Variants in PLCL1 observed in about 807,000 individuals in gnomAD.
The protein encoded by PLCL1 is inactive phospholipase C-like protein 1.
In PLCL1, 41 loss-of-function variants were observed where a neutral mutation model predicts 84.4. The observed-to-expected ratio is 0.49, with a 90% CI of 0.38 to 0.63. The LOEUF is 0.63. PLCL1 is among the 30% of genes least tolerant of loss of function. The probability of loss-of-function intolerance (pLI) is 0.00; values close to 1 mark genes in which losing one functional copy is unlikely to be tolerated. For synonymous variants in PLCL1, 490 were observed against 488.3 expected (o/e 1.00, Z -0.05); for missense variants, 1,206 against 1,367.8 (o/e 0.88, Z 1.87).
rs557214271 is a variant in PLCL1, at chr2:197,923,116, GC to G, written c.240+117779del. On this transcript the variant is annotated intron_variant, in intron 1 of 5. Transcript: ENST00000428675. ...ACCTCCCTACCGGACGGGGCGGCTG[GC>G]CAGGCTGAGGGGCTCCTCACTTCCC... is the stretch of plus-strand genomic sequence containing the variant. Among the ~76,000 whole-genome samples, 41 of 140,750 alleles carry G rather than the reference GC, an allele frequency of 2.9e-4. No individual in the cohort carries two copies. In the South Asian group the frequency reaches 8.0e-3, roughly 28 times the overall value. The allele number at this position is 140,750 out of a possible 152,430, so 92.3% of individuals were successfully genotyped here.
chr2:197,910,376 G>T (rs1688464468), intron 1 of PLCL1, among the ~76,000 whole-genome samples: 1 of 152,210 alleles, frequency 6.6e-6, no homozygotes, highest in African/African-American at 2.4e-5. Flanking sequence ...TACTTGGGCA[G>T]GAATTAGTAG....
chr2:197,997,539 A>G (rs1690495630), intron 1 of PLCL1, among the ~76,000 whole-genome samples: 1 of 152,100 alleles, frequency 6.6e-6, no homozygotes, highest in African/African-American at 2.4e-5. Context: ...CACAATTCAC[A>G]CCCAAAGAGG....
intron 1 of PLCL1, among the ~76,000 whole-genome samples, chr2:197,936,872 A>G (rs1167431786): frequency 6.6e-6 from 1 of 152,184 alleles, no homozygotes; most frequent in Non-Finnish European, 1.5e-5. Context: ...AATGTCACGT[A>G]GCTTTCCCCC....
intron 1 of PLCL1, among the ~76,000 whole-genome samples, chr2:197,823,607 T>G (rs774075603): frequency 2.0e-5 from 3 of 152,174 alleles, no homozygotes; most frequent in Non-Finnish European, 4.4e-5. Flanking sequence ...ATGGTATGTT[T>G]GAGTCATGGA....
At chr2:198,134,523 G>C (rs1178298514) in intron 5 of PLCL1, among the ~76,000 whole-genome samples, 1 of 152,272 alleles carries the variant, frequency 6.6e-6, no homozygotes, top group African/African-American at 2.4e-5. Context: ...AGCTAACACA[G>C]AACCTGGAAC....
At chr2:198,133,525 A>AT (rs1694179457) in intron 5 of PLCL1, among the ~76,000 whole-genome samples, 1 of 150,084 alleles carries the variant, frequency 6.7e-6, no homozygotes, top group African/African-American at 2.5e-5. Context: ...TTAAAGTATA[A>AT]TAAAAAAAAA....
chr2:198,009,282 C>T (rs1595824), intron 1 of PLCL1, among the ~76,000 whole-genome samples: 63,723 of 151,662 alleles, frequency 0.42, 14,023 homozygotes, highest in Middle Eastern at 0.62. Context: ...GAGGCTTTAC[C>T]CCTATGTTTC....
At chr2:198,083,065 G>C (rs1445968082) in intron 1 of PLCL1, among the ~76,000 whole-genome samples, 1 of 152,200 alleles carries the variant, frequency 6.6e-6, no homozygotes, top group Non-Finnish European at 1.5e-5. Flanking sequence ...ACCTTAAAAA[G>C]TTAGTAGAGC....
intron 1 of PLCL1, among the ~76,000 whole-genome samples, chr2:197,853,356 T>C (rs1430759918): frequency 1.3e-5 from 2 of 152,256 alleles, no homozygotes; most frequent in African/African-American, 2.4e-5. Flanking sequence ...TTTGAGTTCC[T>C]GCTTTCAGTT....
Position 198,089,031 on chromosome 2 carries a change from G to T in PLCL1, c.2889G>T (p.Val963=). 2 of 1,613,990 alleles carry T rather than the reference G, an allele frequency of 1.2e-6. No homozygotes were observed. Among genetic ancestry groups the T allele is most frequent in the South Asian group, 2.2e-5 (2 of 91,090 alleles). Residue 963 remains valine (V), a synonymous_variant, in exon 3 of 6, where the codon GTG becomes GTT. Transcript: ENST00000428675. ...AGCCTCTGGGTGCAATTCCAGATGT[G>T]CAGAAAAAGATGCTGACTGCTTATG... ...YLEPLGAIPD[V]QKKMLTAYDL...
At chr2:197,917,753 C>T (rs918121363) in intron 1 of PLCL1, among the ~76,000 whole-genome samples, 25 of 152,004 alleles carry the variant, frequency 1.6e-4, no homozygotes, top group African/African-American at 5.1e-4. Context: ...AGGAGATGTA[C>T]GCGATGAACC....
chr2:197,812,407 T>G (rs1024769443), intron 1 of PLCL1, among the ~76,000 whole-genome samples: 2 of 152,324 alleles, frequency 1.3e-5, no homozygotes, highest in Non-Finnish European at 2.9e-5. Context: ...TAATTTACAT[T>G]ACCACCAGCA....
At chr2:197,988,879 A>G (rs1690276972) in intron 1 of PLCL1, among the ~76,000 whole-genome samples, 2 of 152,168 alleles carry the variant, frequency 1.3e-5, no homozygotes, top group Non-Finnish European at 2.9e-5. Flanking sequence ...ATTGACACCA[A>G]CATTTATTGT....
intron 3 of PLCL1, among the ~76,000 whole-genome samples, chr2:198,094,061 T>C (rs1379337062): frequency 6.6e-6 from 1 of 152,094 alleles, no homozygotes; most frequent in Non-Finnish European, 1.5e-5. Context: ...ATTTTTTTTC[T>C]CTCTCTCTTT....
At chr2:197,907,806 G>A (rs1369542707) in intron 1 of PLCL1, among the ~76,000 whole-genome samples, 2 of 152,090 alleles carry the variant, frequency 1.3e-5, no homozygotes, top group Admixed American at 1.3e-4. Context: ...GCTGCACATT[G>A]AAATCACCTG....
chr2:198,024,453 A>G (rs1257685385), intron 1 of PLCL1, among the ~76,000 whole-genome samples: 3 of 152,182 alleles, frequency 2.0e-5, no homozygotes, highest in Non-Finnish European at 4.4e-5. Flanking sequence ...CTAGCATTTC[A>G]TATCTTAAAG....
At chr2:197,848,782 T>G (rs144148005) in intron 1 of PLCL1, among the ~76,000 whole-genome samples, 1 of 151,782 alleles carries the variant, frequency 6.6e-6, no homozygotes, top group East Asian at 1.9e-4. Context: ...AGAGACTGGT[T>G]TGGCCTGACC....
intron 1 of PLCL1, among the ~76,000 whole-genome samples, chr2:198,078,860 A>G (rs1674857824): frequency 1.3e-5 from 2 of 152,076 alleles, no homozygotes; most frequent in Admixed American, 1.3e-4. Flanking sequence ...TTCAGTGTGC[A>G]TTTTTTCCCT....
At chr2:198,025,036 G>C (rs1254605738) in intron 1 of PLCL1, among the ~76,000 whole-genome samples, 1 of 151,532 alleles carries the variant, frequency 6.6e-6, no homozygotes, top group African/African-American at 2.4e-5. Context: ...GTATAATTAG[G>C]CTTATTTCTA....
Sources: gnomAD v4.1 joint callset for allele counts (sites outside exome capture counted in the v4.1 genomes callset) on GRCh38, gnomAD v4.1.1 for gene constraint, MANE v1.5 for transcripts, NCBI Gene and HGNC (gene_info 2026-07-23, HGNC 2026-07-21) for gene names.